SLC18A2: variants seen among roughly 807,000 people sequenced by gnomAD.
SLC18A2 encodes the protein synaptic vesicular amine transporter.
Under a neutral mutation model 59.2 loss-of-function variants are expected in SLC18A2, and 33 were observed. That is an observed-to-expected ratio of 0.56 (90% CI 0.42 to 0.75). SLC18A2 has a LOEUF of 0.75. Among genes scored for constraint, SLC18A2 ranks in the 30% least tolerant of loss-of-function variants. The pLI is 0.00. For missense variants in SLC18A2, 569 were observed against 668.6 expected, an observed-to-expected ratio of 0.85 and a Z score of 1.64; for synonymous variants, 228 against 253.5, an observed-to-expected ratio of 0.90 and a Z score of 0.95.
intron 12 of SLC18A2, 54 bp from the exon 13 acceptor site, chr10:117,267,619 G>T: frequency 1.5e-6 from 2 of 1,348,794 alleles, no homozygotes; most frequent in South Asian, 2.7e-5. Context: ...TTTCCGAGAT[G>T]ATTTAGAGTT....
At chr10:117,276,125 CAAA>C (rs34299747) in intron 15 of SLC18A2, among the ~76,000 whole-genome samples, 3 of 137,440 alleles carry the variant, frequency 2.2e-5, no homozygotes, top group Non-Finnish European at 4.7e-5. Flanking sequence ...GTCATCTCTA[CAAA>C]AAAAAAAAAA....
chr10:117,270,007 G>A, intron 13 of SLC18A2, 64 bp from the exon 14 acceptor site: 1 of 1,596,540 alleles, frequency 6.3e-7, no homozygotes, highest in South Asian at 1.1e-5. Context: ...CACACTCCCT[G>A]ATATTCGGCC....
chr10:117,270,368 T>C lies in SLC18A2; in HGVS notation c.1345T>C (p.Phe449Leu). 1.5e-5 allele frequency: 25 copies of C among 1,614,228 alleles called. No individual in the cohort carries two copies. The highest frequency in any genetic ancestry group is 1.9e-5 in the Non-Finnish European group (23 of 1,180,032). ...AGGAIAKAIG[F>L]PWLMTIIGII... ...TGGTGCTATTGCAAAGGCAATTGGA[T>C]TTCCATGGCTCATGACAATTATTGG... Residue 449 changes from phenylalanine (F) to leucine (L), a missense_variant, in exon 15 of 16, where the codon TTT becomes CTT. Coordinates refer to ENST00000644641, the MANE Select transcript of SLC18A2 (RefSeq NM_003054.6).
chr10:117,276,322 T>C (rs1004967483), intron 15 of SLC18A2, among the ~76,000 whole-genome samples: 1 of 151,666 alleles, frequency 6.6e-6, no homozygotes, highest in Non-Finnish European at 1.5e-5. Flanking sequence ...TGTGAAGATA[T>C]CAGAACTGGC....
intron 3 of SLC18A2, among the ~76,000 whole-genome samples, chr10:117,248,158 G>T (rs1485747894): frequency 6.6e-6 from 1 of 151,920 alleles, no homozygotes; most frequent in Non-Finnish European, 1.5e-5. Flanking sequence ...TAGAGATGGG[G>T]TTTCAGCATT....
At chr10:117,258,072 A>G (rs1433178937) in intron 10 of SLC18A2, among the ~76,000 whole-genome samples, 180 bp downstream of exon 10, 1 of 152,188 alleles carries the variant, frequency 6.6e-6, no homozygotes, top group African/African-American at 2.4e-5. Flanking sequence ...TGGTTTATCC[A>G]TCATCCCTGA....
chr10:117,245,715 G>A (rs1407790526), intron 3 of SLC18A2, among the ~76,000 whole-genome samples: 1 of 152,110 alleles, frequency 6.6e-6, no homozygotes, highest in Non-Finnish European at 1.5e-5. Context: ...TAGGGTTAGG[G>A]GCACCGAGAG....
chr10:117,262,831 G>A (rs979396736), intron 10 of SLC18A2, among the ~76,000 whole-genome samples: 1 of 152,008 alleles, frequency 6.6e-6, no homozygotes, highest in Non-Finnish European at 1.5e-5. Flanking sequence ...TGGGTCTCCC[G>A]GCCACCTAGC....
rs186199961 is a variant in SLC18A2 at position 117,263,020 on chromosome 10, G to A, written c.992-3713G>A. On this transcript the variant is annotated intron_variant, in intron 10 of 15. Transcript: ENST00000644641. ...CAGGCTGCCTGGATCTCATCAGATT[G>A]CTGTGTGGGGCCTATCACCGGCGCC... Among the ~76,000 whole-genome samples, 115 of 152,322 alleles carry A rather than the reference G, an allele frequency of 7.5e-4. 2 individuals are homozygous for A. The East Asian group carries it at 0.018, about 24-fold the overall frequency.
intron 15 of SLC18A2, among the ~76,000 whole-genome samples, chr10:117,275,619 C>T (rs1206672153): frequency 6.6e-6 from 1 of 152,286 alleles, no homozygotes; most frequent in Non-Finnish European, 1.5e-5. Context: ...GTACACCCCT[C>T]GGTCAAATTC....
rs763139552 is a variant in SLC18A2, at chr10:117,255,285, C to G, written c.709C>G (p.Pro237Ala). The G allele has an allele frequency of 5.0e-6, 8 of 1,614,188 alleles. No individual in the cohort carries two copies. Among genetic ancestry groups the G allele is most frequent in the South Asian group, 1.1e-5 (1 of 91,080 alleles). The part of the protein sequence containing the change: ...GLAMGVLVGP[P>A]FGSVLYEFVG... ...ACTTTCTCTCCCTGCAGTGGGCCCC[C>G]CCTTCGGGAGTGTGCTCTATGAGTT... The change falls in exon 7 of 16, where the codon CCC becomes GCC. Residue 237 changes from proline to alanine, a missense_variant. Around this residue, in one of 2 missense-constraint regions of SLC18A2, gnomAD observed 377 missense variants for 389.8 expected, o/e 0.97. Coordinates refer to ENST00000644641, the MANE Select transcript of SLC18A2 (RefSeq NM_003054.6).
chr10:117,260,297 C>G (rs995626488), intron 10 of SLC18A2, among the ~76,000 whole-genome samples: 1 of 152,220 alleles, frequency 6.6e-6, no homozygotes, highest in East Asian at 1.9e-4. Flanking sequence ...ATGTTGACAG[C>G]CTCTGCTTTC....
At chr10:117,253,377 G>C (rs1844185625) in intron 3 of SLC18A2, 22 bp from the exon 4 acceptor site, 1 of 1,600,408 alleles carries the variant, frequency 6.2e-7, no homozygotes. Flanking sequence ...CACCAGATTT[G>C]TCTGATGTTT....
Position 117,241,687 on chromosome 10 carries a change from C to T in SLC18A2, c.-7C>T, listed in dbSNP as rs753921678. 7 of 1,580,356 alleles carry T rather than the reference C, an allele frequency of 4.4e-6. No homozygotes were observed. Among genetic ancestry groups the T allele is most frequent in the Non-Finnish European group, 6.0e-6 (7 of 1,165,420 alleles). Reference sequence around the variant, plus strand: ...GCGCACCGCGCCCGCAGCGGAGCCCCGGAGCCATGGCCCTGAGCGAGCTGG... The same window carrying T: ...GCGCACCGCGCCCGCAGCGGAGCCCTGGAGCCATGGCCCTGAGCGAGCTGG... On this transcript the variant is annotated 5_prime_UTR_variant, in exon 2 of 16. Coordinates refer to ENST00000644641, the MANE Select transcript of SLC18A2 (RefSeq NM_003054.6).
chr10:117,270,870 T>C (rs1022493135), intron 15 of SLC18A2, among the ~76,000 whole-genome samples: 2 of 152,222 alleles, frequency 1.3e-5, no homozygotes, highest in African/African-American at 4.8e-5. Context: ...TCAGTAATAG[T>C]TGCTGTCTTG....
In SLC18A2 at chr10:117,257,884, G is replaced by C. The variant is rs145758353; in HGVS notation, c.983G>C (p.Trp328Ser). 6.2e-7 allele frequency: 1 copy of C among 1,610,304 alleles called. No homozygotes were observed. Among genetic ancestry groups the C allele is most frequent in the Non-Finnish European group, 8.5e-7 (1 of 1,178,040 alleles). Residue 328 changes from tryptophan (W) to serine (S), a missense_variant, in exon 10 of 16, where the codon TGG (tryptophan) becomes TCG (serine). Around this residue, in one of 2 missense-constraint regions of SLC18A2, gnomAD observed 192 missense variants for 278.8 expected, o/e 0.69. Coordinates refer to ENST00000644641, the MANE Select transcript of SLC18A2 (RefSeq NM_003054.6). ...ATGGAGACCATGTGTTCCCGAAAGT[G>C]GCAGCTGGGTAAGGACTGGGGTGGG... Reference protein sequence around the residue: ...WMMETMCSRKWQLGVAFLPAS... With the variant: ...WMMETMCSRKSQLGVAFLPAS...
intron 10 of SLC18A2, 123 bp downstream of exon 10, chr10:117,258,015 C>G: frequency 1.6e-6 from 1 of 615,904 alleles, no homozygotes; most frequent in Admixed American, 3.3e-5. Context: ...CTGTTTGACT[C>G]TTAATGGGGT....
Position 117,241,686 on chromosome 10 carries a change from C to A in SLC18A2, c.-8C>A, listed in dbSNP as rs766612856. 7 of 1,579,412 alleles carry A rather than the reference C, an allele frequency of 4.4e-6. No homozygotes were observed. The East Asian group carries it at 1.4e-4, about 32-fold the overall frequency. ...CGCGCACCGCGCCCGCAGCGGAGCC[C>A]CGGAGCCATGGCCCTGAGCGAGCTG... is the stretch of plus-strand genomic sequence containing the variant. On this transcript the variant is annotated 5_prime_UTR_variant, in exon 2 of 16. Transcript: ENST00000644641.
In SLC18A2 at chr10:117,269,272, C is replaced by A. The variant is rs1039308789; in HGVS notation, c.1187-799C>A. Reference sequence around the variant, plus strand: ...ACATATACACAGACACATACACATGCAAACACATGTACACACATATATACA... The same window carrying A: ...ACATATACACAGACACATACACATGAAAACACATGTACACACATATATACA... On this transcript the variant is annotated intron_variant, in intron 13 of 15. Transcript: ENST00000644641. This position sits in a 1 kb window ranked among gnomAD's most constrained non-coding sequence, Gnocchi z 5.1. Among the ~76,000 whole-genome samples, 1 of 151,992 alleles carries A rather than the reference C, an allele frequency of 6.6e-6. No individual in the cohort carries two copies. Among genetic ancestry groups the A allele is most frequent in the Admixed American group, 6.6e-5 (1 of 15,254 alleles).
Sources: gnomAD v4.1 joint callset for allele counts (sites outside exome capture counted in the v4.1 genomes callset) on GRCh38, gnomAD v4.1.1 for gene constraint, gnomAD v4.1.1 regional missense constraint, Gnocchi (gnomAD v3.1) non-coding constraint, MANE v1.5 for transcripts, NCBI Gene and HGNC (gene_info 2026-07-23, HGNC 2026-07-21) for gene names.